The following VAT1L variants were observed in gnomAD, a reference collection of about 807,000 sequenced individuals.
VAT1L encodes putative NADPH-dependent quinone oxidoreductase VAT1L.
A neutral mutation model predicts 44.1 loss-of-function variants in VAT1L; 34 were observed. That is an observed-to-expected ratio of 0.77 (90% CI 0.59 to 1.03). The LOEUF is 1.03. VAT1L is among the 50% of genes least tolerant of loss of function. The probability of loss-of-function intolerance (pLI) is 0.00; values close to 1 mark genes in which losing one functional copy is unlikely to be tolerated. For missense variants in VAT1L, 615 were observed against 538.8 expected (o/e 1.14, Z -1.40); for synonymous variants, 253 against 202.2 (o/e 1.25, Z -2.13).
intron 7 of VAT1L, among the ~76,000 whole-genome samples, chr16:77,957,063 G>A (rs751706244): frequency 6.6e-6 from 1 of 152,028 alleles, no homozygotes; most frequent in Non-Finnish European, 1.5e-5. Context: ...TTGAAAATAA[G>A]GGAAAAAATC....
intron 7 of VAT1L, among the ~76,000 whole-genome samples, chr16:77,970,051 T>TAAAA (rs36120858): frequency 2.3e-5 from 2 of 86,790 alleles, no homozygotes; most frequent in Non-Finnish European, 2.1e-5. Flanking sequence ...ACATCTCTAC[T>TAAAA]AAAAAAAAAA....
chr16:77,951,544 T>C (rs2018043149), intron 7 of VAT1L, among the ~76,000 whole-genome samples: 1 of 144,730 alleles, frequency 6.9e-6, no homozygotes, highest in Non-Finnish European at 1.5e-5. Context: ...AGACTCTGTC[T>C]CAAAAATAAA....
At position 77,876,254 on chromosome 16, in the gene VAT1L, G is replaced by C. The variant is rs868638285; in HGVS notation, c.723-116G>C. On this transcript the variant is annotated intron_variant, in intron 4 of 8. Transcript: ENST00000302536. ...TCTGCCCTATTTATTGCTACTCCTG[G>C]AGCTTTCAGGGTTCCTAATTCTGAG... 81 of 856,010 alleles carry C rather than the reference G, an allele frequency of 9.5e-5. No individual in the cohort carries two copies. In the Middle Eastern group the frequency reaches 1.1e-3, roughly 12 times the overall value. The allele number at this position is 856,010 out of a possible 1,614,324, so 53.0% of individuals were successfully genotyped here. A position where few individuals can be genotyped will look rare whatever the true frequency, so the allele number is the denominator to read the frequency against.
At chr16:77,830,676 T>C (rs1176193101) in intron 3 of VAT1L, among the ~76,000 whole-genome samples, 1 of 152,166 alleles carries the variant, frequency 6.6e-6, no homozygotes, top group African/African-American at 2.4e-5. Flanking sequence ...TGTGAGTCCA[T>C]TAAACCTCTT....
chr16:77,843,910 G>A (rs2016732268), intron 3 of VAT1L, among the ~76,000 whole-genome samples: 1 of 152,196 alleles, frequency 6.6e-6, no homozygotes, highest in Non-Finnish European at 1.5e-5. Context: ...GCCTTCCTCT[G>A]CCAGGGAGAG....
chr16:77,788,565 T>G lies in VAT1L; in HGVS notation c.-118T>G, dbSNP rs916894169. ...GCGGCGCTCGCAGAGGCTGCAGCCA[T>G]TGCACAGCCGAGCATCCCACATTCA... On this transcript the variant is annotated 5_prime_UTR_variant, in exon 1 of 9. Coordinates refer to ENST00000302536, the MANE Select transcript of VAT1L (RefSeq NM_020927.3). 7 of 1,195,598 alleles carry G rather than the reference T, an allele frequency of 5.9e-6. No individual in the cohort carries two copies. The highest frequency in any genetic ancestry group is 2.9e-5 in the South Asian group (2 of 67,934). 74.1% of individuals were successfully genotyped at this position (1,195,598 alleles called of 1,614,324 possible).
intron 7 of VAT1L, among the ~76,000 whole-genome samples, chr16:77,930,597 G>C (rs764098582): frequency 3.3e-5 from 5 of 152,146 alleles, no homozygotes; most frequent in Admixed American, 1.3e-4. Flanking sequence ...CTCAAGGTAG[G>C]TTCCGTAGCA....
chr16:77,976,463 G>C (rs977661174), intron 8 of VAT1L, among the ~76,000 whole-genome samples: 4 of 152,142 alleles, frequency 2.6e-5, no homozygotes, highest in African/African-American at 9.7e-5. Context: ...CCAAGGGGGA[G>C]AACCCAGCTT....
chr16:77,837,845 C>G (rs538866100), intron 3 of VAT1L, among the ~76,000 whole-genome samples: 3 of 152,324 alleles, frequency 2.0e-5, no homozygotes, highest in African/African-American at 4.8e-5. Context: ...CTCCCTGGCA[C>G]ATAGAAAATT....
chr16:77,837,225 C>T (rs1226718318), intron 3 of VAT1L, among the ~76,000 whole-genome samples: 2 of 152,168 alleles, frequency 1.3e-5, no homozygotes, highest in Admixed American at 6.5e-5. Context: ...TGGGTTTTCC[C>T]AGGAGCTGAG....
intron 7 of VAT1L, among the ~76,000 whole-genome samples, chr16:77,904,897 C>T (rs1460145736): frequency 1.3e-5 from 2 of 151,902 alleles, no homozygotes; most frequent in African/African-American, 4.8e-5. Flanking sequence ...TACTTCTCTT[C>T]ATTTAACACC....
chr16:77,927,180 T>C (rs952949642), intron 7 of VAT1L, among the ~76,000 whole-genome samples: 2 of 151,296 alleles, frequency 1.3e-5, no homozygotes, highest in Non-Finnish European at 2.9e-5. Flanking sequence ...CTACTAAAAA[T>C]ACAAAAAATT....
intron 2 of VAT1L, among the ~76,000 whole-genome samples, chr16:77,817,316 A>G (rs1401930016): frequency 6.6e-6 from 1 of 152,210 alleles, no homozygotes; most frequent in Non-Finnish European, 1.5e-5. Flanking sequence ...CTATTCAACA[A>G]AAGTATTTGG....
chr16:77,843,845 G>C (rs548325834), intron 3 of VAT1L, among the ~76,000 whole-genome samples: 74 of 152,336 alleles, frequency 4.9e-4, no homozygotes, highest in Non-Finnish European at 9.6e-4. Context: ...GAGACAATTA[G>C]ACCCAGAGGT....
chr16:77,934,042 A>C (rs2017763629), intron 7 of VAT1L, among the ~76,000 whole-genome samples: 1 of 152,156 alleles, frequency 6.6e-6, no homozygotes, highest in Non-Finnish European at 1.5e-5. Context: ...GTTCTGCTAG[A>C]GGGAGGAGTA....
At chr16:77,940,345 T>TG in intron 7 of VAT1L, among the ~76,000 whole-genome samples, 1 of 145,540 alleles carries the variant, frequency 6.9e-6, no homozygotes, top group Admixed American at 6.8e-5. Context: ...ACTTGGTTTT[T>TG]TTTTTTTTTT....
intron 2 of VAT1L, among the ~76,000 whole-genome samples, chr16:77,820,453 A>C (rs1055380468): frequency 6.6e-6 from 1 of 152,212 alleles, no homozygotes; most frequent in Non-Finnish European, 1.5e-5. Context: ...CGATGCTCAC[A>C]TCCTCAAGCT....
intron 7 of VAT1L, among the ~76,000 whole-genome samples, chr16:77,948,640 A>AT (rs1371602022): frequency 6.6e-6 from 1 of 151,940 alleles, no homozygotes; most frequent in African/African-American, 2.4e-5. Context: ...TATTTGGTTG[A>AT]TTTTTTCCTT....
Position 77,884,893 on chromosome 16 carries a change from T to G in VAT1L, c.1077+91T>G. 7.3e-7 allele frequency: 1 copy of G among 1,365,816 alleles called. No individual in the cohort carries two copies. The highest frequency in any genetic ancestry group is 1.7e-5 in the South Asian group (1 of 59,094). The allele number at this position is 1,365,816 out of a possible 1,614,324, so 84.6% of individuals were successfully genotyped here. A position where few individuals can be genotyped will look rare whatever the true frequency, so the allele number is the denominator to read the frequency against. On this transcript the variant is annotated intron_variant, in intron 7 of 8. Transcript: ENST00000302536. The surrounding 1 kb of genome is among the most constrained non-coding windows in gnomAD (Gnocchi z 4.5). Reference sequence around the variant, plus strand: ...AAATACAATCTTCTACTAAATGATTTTTTTCCCAGATGGGTTTGTTTTAAA... The same window carrying G: ...AAATACAATCTTCTACTAAATGATTGTTTTCCCAGATGGGTTTGTTTTAAA...
Sources: allele counts gnomAD v4.1 joint callset (sites outside exome capture counted in the v4.1 genomes callset), GRCh38; gene constraint gnomAD v4.1.1; non-coding constraint Gnocchi (gnomAD v3.1); transcripts MANE v1.5; gene names NCBI Gene and HGNC (gene_info 2026-07-23, HGNC 2026-07-21).